The following MYCT1 variants were observed in gnomAD, a reference collection of about 807,000 sequenced individuals.
The protein encoded by MYCT1 is myc target protein 1.
In MYCT1, 12 loss-of-function variants were observed where a neutral mutation model predicts 15.0. That is an observed-to-expected ratio of 0.80 (90% confidence interval 0.51 to 1.29). The LOEUF (loss-of-function observed/expected upper bound fraction) is 1.29, where lower values mean the gene tolerates loss of function less well. Ranked by LOEUF, MYCT1 falls within the 50% of genes most tolerant of loss-of-function variation. MYCT1 has a pLI of 0.00. For synonymous variants in MYCT1, 104 were observed against 102.7 expected, an observed-to-expected ratio of 1.01 and a Z score of -0.07; for missense variants, 287 against 279.1, an observed-to-expected ratio of 1.03 and a Z score of -0.20.
chr6:152,730,607 G>C, the MYCT1 span, among the ~76,000 whole-genome samples: 1 of 152,156 alleles, frequency 6.6e-6, no homozygotes, highest in Admixed American at 6.5e-5. Context: ...GATTTTGCGA[G>C]TGGGAAGCAA....
the MYCT1 span, among the ~76,000 whole-genome samples, chr6:152,729,690 A>G: frequency 6.6e-6 from 1 of 151,896 alleles, no homozygotes; most frequent in Non-Finnish European, 1.5e-5. Context: ...CAGACTGCAG[A>G]CTCCCCCTGC....
At chr6:152,698,327 A>T (rs1371307938) in intron 1 of MYCT1, among the ~76,000 whole-genome samples, 1 of 151,576 alleles carries the variant, frequency 6.6e-6, no homozygotes, top group African/African-American at 2.4e-5. Flanking sequence ...GTGTTCTATG[A>T]AGATATTCAA....
downstream of MYCT1, among the ~76,000 whole-genome samples, chr6:152,724,919 TATCTC>T (rs1283488845): frequency 2.6e-5 from 4 of 151,930 alleles, no homozygotes; most frequent in African/African-American, 4.8e-5. Context: ...CTTAGAGTCT[TATCTC>T]ATTAGCTAAA....
chr6:152,741,428 G>A, the MYCT1 span, among the ~76,000 whole-genome samples: 1 of 152,068 alleles, frequency 6.6e-6, no homozygotes, highest in Non-Finnish European at 1.5e-5. Flanking sequence ...TTTCCACCTT[G>A]AATGTTTATT....
intron 1 of MYCT1, among the ~76,000 whole-genome samples, chr6:152,699,672 G>A (rs904083042): frequency 1.3e-5 from 2 of 151,870 alleles, no homozygotes; most frequent in African/African-American, 4.8e-5. Flanking sequence ...AAGTAAAGTA[G>A]TTTTTGCAAA....
Position 152,723,960 on chromosome 6 carries a change from G to C in MYCT1, c.*1707G>C, listed in dbSNP as rs550969841. 5.3e-5 allele frequency: 8 copies of C among 152,228 alleles called. No individual in the cohort carries two copies. The highest frequency in any genetic ancestry group is 2.0e-4 in the Admixed American group (3 of 15,276). 9.4% of individuals were successfully genotyped at this position (152,228 alleles called of 1,614,324 possible). A position where few individuals can be genotyped will look rare whatever the true frequency, so the allele number is the denominator to read the frequency against. On this transcript the variant is annotated 3_prime_UTR_variant, in exon 2 of 2. Transcript: ENST00000367245. ...GTGTCTGAACATGGTTCAAGAATAAGAGATTCCATGTAGCATTTTCTTTAT... is the reference window on the plus strand; with the variant it reads ...GTGTCTGAACATGGTTCAAGAATAACAGATTCCATGTAGCATTTTCTTTAT...
intron 1 of MYCT1, among the ~76,000 whole-genome samples, chr6:152,715,521 A>G (rs574372873): frequency 6.6e-5 from 10 of 152,090 alleles, no homozygotes; most frequent in Non-Finnish European, 1.3e-4. Flanking sequence ...TCTTTCAAAC[A>G]TAATGACATT....
intron 1 of MYCT1, among the ~76,000 whole-genome samples, chr6:152,717,264 G>GTTTGGAC (rs1170159287): frequency 2.0e-5 from 3 of 152,174 alleles, no homozygotes; most frequent in African/African-American, 7.2e-5. Context: ...TGCCTTTGCT[G>GTTTGGAC]TTTGGACTTA....
At chr6:152,736,945 T>C in the MYCT1 span, among the ~76,000 whole-genome samples, 4 of 152,166 alleles carry the variant, frequency 2.6e-5, no homozygotes, top group Admixed American at 6.5e-5. Context: ...AGGAAAGATA[T>C]AGATCTTAAC....
intron 1 of MYCT1, chr6:152,706,163 T>A (rs1394769199): frequency 8.0e-7 from 1 of 1,251,348 alleles, no homozygotes; most frequent in Non-Finnish European, 1.2e-6. Flanking sequence ...ATTAATGAAC[T>A]GTGACAGGAA....
At position 152,699,521 on chromosome 6, in the gene MYCT1, T is replaced by C. The variant is rs1247637710; in HGVS notation, c.196+1423T>C. Among the ~76,000 whole-genome samples the C allele has an allele frequency of 2.0e-5, 3 of 152,176 alleles. No individual in the cohort carries two copies. The East Asian group carries it at 5.8e-4, about 29-fold the overall frequency. On this transcript the variant is annotated intron_variant, in intron 1 of 1. Transcript: ENST00000367245. ...TAGACAGAAGCCTTTGAATTGTAGATGTCTGATTATATGCTTGTTAAAATA... is the reference window on the plus strand; with the variant it reads ...TAGACAGAAGCCTTTGAATTGTAGACGTCTGATTATATGCTTGTTAAAATA...
At chr6:152,736,300 T>G in the MYCT1 span, among the ~76,000 whole-genome samples, 1 of 152,144 alleles carries the variant, frequency 6.6e-6, no homozygotes, top group Non-Finnish European at 1.5e-5. Context: ...AATTACTAAG[T>G]AATACCCTTA....
At chr6:152,745,440 G>T in the MYCT1 span, among the ~76,000 whole-genome samples, 1 of 152,110 alleles carries the variant, frequency 6.6e-6, no homozygotes, top group East Asian at 1.9e-4. Context: ...TCCAGCCTGG[G>T]TTACAGAGAC....
At chr6:152,721,114 T>C (rs2129070615) in intron 1 of MYCT1, among the ~76,000 whole-genome samples, 1 of 152,226 alleles carries the variant, frequency 6.6e-6, no homozygotes, top group African/African-American at 2.4e-5. Flanking sequence ...AAGAGCCCAG[T>C]AGTCTGCACA....
chr6:152,700,836 C>T (rs551353135), intron 1 of MYCT1, among the ~76,000 whole-genome samples: 2 of 152,024 alleles, frequency 1.3e-5, no homozygotes, highest in African/African-American at 4.8e-5. Context: ...TTCCTTATGG[C>T]TAGCTTTGTG....
chr6:152,746,459 C>T, the MYCT1 span, among the ~76,000 whole-genome samples: 1 of 152,172 alleles, frequency 6.6e-6, no homozygotes, highest in Non-Finnish European at 1.5e-5. Flanking sequence ...TGGAATGGCA[C>T]ACAGTTTAAA....
At chr6:152,737,407 A>G in the MYCT1 span, among the ~76,000 whole-genome samples, 1 of 151,962 alleles carries the variant, frequency 6.6e-6, no homozygotes, top group Admixed American at 6.6e-5. Flanking sequence ...GGAGATATCT[A>G]TATCTATTTC....
At chr6:152,700,182 AT>A (rs1177796193) in intron 1 of MYCT1, among the ~76,000 whole-genome samples, 2 of 152,136 alleles carry the variant, frequency 1.3e-5, no homozygotes, top group Non-Finnish European at 2.9e-5. Context: ...TTAAATTTCC[AT>A]TGCTTTTGTG....
chr6:152,708,248 T>C (rs2099722642), intron 1 of MYCT1, among the ~76,000 whole-genome samples: 1 of 152,072 alleles, frequency 6.6e-6, no homozygotes, highest in African/African-American at 2.4e-5. Context: ...ATGATGCTAT[T>C]GTAATGGTGT....
Sources: gnomAD v4.1 joint callset for allele counts (sites outside exome capture counted in the v4.1 genomes callset) on GRCh38, gnomAD v4.1.1 for gene constraint, MANE v1.5 for transcripts, NCBI Gene and HGNC (gene_info 2026-07-23, HGNC 2026-07-21) for gene names.